Variants in NUDCD3 observed in about 807,000 individuals in gnomAD.
NUDCD3 encodes NudC domain containing 3.
In NUDCD3, 13 loss-of-function variants were observed where a neutral mutation model predicts 39.7. That is an observed-to-expected ratio of 0.33 (90% CI 0.21 to 0.52). The LOEUF (loss-of-function observed/expected upper bound fraction) is 0.52. Among genes scored for constraint, NUDCD3 ranks in the 20% least tolerant of loss-of-function variants. The probability of loss-of-function intolerance (pLI) is 0.96; values close to 1 mark genes in which losing one functional copy is unlikely to be tolerated. For synonymous variants in NUDCD3, 175 were observed against 172.4 expected (o/e 1.02, Z -0.12); for missense variants, 453 against 458.1 (o/e 0.99, Z 0.10).
intron 2 of NUDCD3, among the ~76,000 whole-genome samples, chr7:44,463,479 A>C (rs924402540): frequency 1.3e-5 from 2 of 152,190 alleles, no homozygotes; most frequent in African/African-American, 4.8e-5. Flanking sequence ...CAGGAACCTC[A>C]AATTTAAAAG....
At chr7:44,468,627 G>A (rs190979752) in intron 2 of NUDCD3, among the ~76,000 whole-genome samples, 6 of 152,280 alleles carry the variant, frequency 3.9e-5, no homozygotes, top group African/African-American at 1.2e-4. Flanking sequence ...TCCACTGGGA[G>A]AGTCTAGAAG....
chr7:44,403,202 T>C (rs1386948975), intron 4 of NUDCD3, among the ~76,000 whole-genome samples: 2 of 152,314 alleles, frequency 1.3e-5, no homozygotes, highest in East Asian at 3.9e-4. Flanking sequence ...AAAGAACCAC[T>C]GCCATCTACC....
At chr7:44,418,102 G>A (rs1799061320) in intron 3 of NUDCD3, among the ~76,000 whole-genome samples, 1 of 152,198 alleles carries the variant, frequency 6.6e-6, no homozygotes, top group Non-Finnish European at 1.5e-5. Flanking sequence ...GGCCCCTGGA[G>A]AATGAAGGAG....
chr7:44,484,931 G>C, intron 2 of NUDCD3, 37 bp downstream of exon 2: 3 of 1,469,216 alleles, frequency 2.0e-6, no homozygotes, highest in Non-Finnish European at 1.9e-6. Flanking sequence ...CAGATGTTAC[G>C]CAAGAAAGAA....
intron 2 of NUDCD3, among the ~76,000 whole-genome samples, chr7:44,434,620 A>C (rs1428348718): frequency 2.0e-5 from 3 of 152,202 alleles, no homozygotes; most frequent in Non-Finnish European, 2.9e-5. Flanking sequence ...GACACACAAA[A>C]GGTTTGATGC....
chr7:44,392,034 T>C (rs1258062846), intron 5 of NUDCD3, among the ~76,000 whole-genome samples: 1 of 152,200 alleles, frequency 6.6e-6, no homozygotes, highest in Non-Finnish European at 1.5e-5. Flanking sequence ...GAAGGGCAGA[T>C]CTCATGACAC....
intron 2 of NUDCD3, among the ~76,000 whole-genome samples, chr7:44,460,577 C>A (rs770824729): frequency 1.3e-4 from 19 of 151,482 alleles, no homozygotes; most frequent in Non-Finnish European, 2.4e-4. Context: ...CTAGACTAAC[C>A]AAGAAAAAAA....
intron 3 of NUDCD3, among the ~76,000 whole-genome samples, chr7:44,412,553 A>G (rs1798946574): frequency 6.6e-6 from 1 of 152,226 alleles, no homozygotes; most frequent in South Asian, 2.1e-4. Flanking sequence ...TTATGAACAA[A>G]TGAGATGGGG....
At chr7:44,395,464 T>C (rs1006179475) in intron 4 of NUDCD3, among the ~76,000 whole-genome samples, 1 of 152,248 alleles carries the variant, frequency 6.6e-6, no homozygotes, top group Admixed American at 6.5e-5. Flanking sequence ...ATATCCACAA[T>C]GGTGCACAAC....
chr7:44,423,679 G>A (rs968486274), intron 3 of NUDCD3, among the ~76,000 whole-genome samples: 10 of 152,188 alleles, frequency 6.6e-5, no homozygotes, highest in South Asian at 4.1e-4. Flanking sequence ...CATGCTCATG[G>A]ATAGGAAGAA....
At chr7:44,465,628 T>TA in intron 2 of NUDCD3, among the ~76,000 whole-genome samples, 1 of 152,318 alleles carries the variant, frequency 6.6e-6, no homozygotes. Context: ...ATAAGTATGC[T>TA]TGTATTTTCA....
intron 2 of NUDCD3, among the ~76,000 whole-genome samples, chr7:44,432,599 G>C (rs1799386467): frequency 6.6e-6 from 1 of 152,168 alleles, no homozygotes; most frequent in Non-Finnish European, 1.5e-5. Context: ...CCCGCCCCCT[G>C]GGGCTCAGTG....
At chr7:44,423,017 A>T (rs1016156566) in intron 3 of NUDCD3, among the ~76,000 whole-genome samples, 1 of 152,220 alleles carries the variant, frequency 6.6e-6, no homozygotes, top group Non-Finnish European at 1.5e-5. Context: ...AATCCATCAC[A>T]TAAACAGAAC....
chr7:44,427,549 C>T (rs771640384), intron 3 of NUDCD3, 22 bp downstream of exon 3: 6 of 1,607,012 alleles, frequency 3.7e-6, no homozygotes, highest in South Asian at 2.2e-5. Context: ...AGCCGCCCAC[C>T]CCTACCCGCC....
chr7:44,392,899 T>A (rs555987112), intron 4 of NUDCD3, among the ~76,000 whole-genome samples: 2 of 152,046 alleles, frequency 1.3e-5, no homozygotes, highest in African/African-American at 2.4e-5. Context: ...CCTGCCCCCA[T>A]GCTTGCCATG....
chr7:44,456,593 G>C (rs777896239), intron 2 of NUDCD3, among the ~76,000 whole-genome samples: 4 of 151,986 alleles, frequency 2.6e-5, no homozygotes, highest in Non-Finnish European at 4.4e-5. Flanking sequence ...ACATATCAAG[G>C]CCTCATCTCT....
chr7:44,462,637 TG>T, intron 2 of NUDCD3, among the ~76,000 whole-genome samples: 1 of 152,334 alleles, frequency 6.6e-6, no homozygotes, highest in East Asian at 1.9e-4. Context: ...TGGGAGTGTG[TG>T]GGCAGCGTTA....
At chr7:44,430,603 CAA>C (rs1491338884) in intron 2 of NUDCD3, among the ~76,000 whole-genome samples, 6 of 149,252 alleles carry the variant, frequency 4.0e-5, no homozygotes, top group African/African-American at 1.5e-4. Flanking sequence ...CACACACACA[CAA>C]AAGACCAACA....
intron 4 of NUDCD3, among the ~76,000 whole-genome samples, chr7:44,393,353 G>T (rs1378076214): frequency 2.0e-5 from 3 of 152,202 alleles, no homozygotes; most frequent in Non-Finnish European, 4.4e-5. Context: ...AAGACAACTG[G>T]AACTGCAGTA....
Sources: gnomAD v4.1 joint callset for allele counts (sites outside exome capture counted in the v4.1 genomes callset) on GRCh38, gnomAD v4.1.1 for gene constraint, MANE v1.5 for transcripts, NCBI Gene and HGNC (gene_info 2026-07-23, HGNC 2026-07-21) for gene names.